Variants in PRDM16 observed in about 807,000 individuals in gnomAD.
PRDM16 encodes the protein PR/SET domain 16, also known as histone-lysine N-methyltransferase PRDM16.
In PRDM16, 23 loss-of-function variants were observed where a neutral mutation model predicts 110.6. The observed-to-expected ratio is 0.21, with a 90% CI of 0.15 to 0.29. PRDM16 has a LOEUF of 0.29. PRDM16 is among the 10% of genes least tolerant of loss of function. PRDM16 has a pLI of 1.00. For missense variants in PRDM16, 1,615 were observed against 1,794.3 expected (o/e 0.90, Z 1.81); for synonymous variants, 799 against 781.8 (o/e 1.02, Z -0.37).
At chr1:3,324,896 C>T (rs1363515959) in intron 3 of PRDM16, among the ~76,000 whole-genome samples, 2 of 152,132 alleles carry the variant, frequency 1.3e-5, no homozygotes, top group Non-Finnish European at 2.9e-5. Flanking sequence ...GGCCAGAGTC[C>T]CTGAGGGTCC....
At chr1:3,302,682 C>A (rs1225300581) in intron 3 of PRDM16, among the ~76,000 whole-genome samples, 1 of 152,196 alleles carries the variant, frequency 6.6e-6, no homozygotes, top group Admixed American at 6.5e-5. Context: ...GAACTGCAGA[C>A]AACACTTTAG....
chr1:3,216,977 T>C (rs1639043978), intron 2 of PRDM16, among the ~76,000 whole-genome samples: 1 of 152,244 alleles, frequency 6.6e-6, no homozygotes, highest in Non-Finnish European at 1.5e-5. Context: ...GCAGTTCCTC[T>C]GTGAATTAAC....
intron 1 of PRDM16, among the ~76,000 whole-genome samples, chr1:3,138,516 T>C (rs1643483967): frequency 6.6e-6 from 1 of 152,190 alleles, no homozygotes; most frequent in Admixed American, 6.5e-5. Context: ...CACGCCGGGG[T>C]GGCACCCTCA....
At chr1:3,416,906 A>C (rs1638280199) in intron 10 of PRDM16, among the ~76,000 whole-genome samples, 1 of 152,246 alleles carries the variant, frequency 6.6e-6, no homozygotes, top group South Asian at 2.1e-4. Context: ...CACAGCAGAT[A>C]TCACAGGGTG....
At position 3,244,952 on chromosome 1, in the gene PRDM16, G is replaced by A. The variant is rs549947549; in HGVS notation, c.438+815G>A. 6.6e-6 allele frequency among the ~76,000 whole-genome samples: 1 copy of A among 152,164 alleles called. No homozygotes were observed. Among genetic ancestry groups the A allele is most frequent in the Admixed American group, 6.5e-5 (1 of 15,280 alleles). On this transcript the variant is annotated intron_variant, in intron 3 of 16. Transcript: ENST00000270722. The surrounding 1 kb of genome is among the most constrained non-coding windows in gnomAD (Gnocchi z 4.1). ...GGCTGATCTCCTATTTTTTGGGGGG[G>A]GGTTTCTAGTAAAATTAAAGTAACA...
chr1:3,069,525 C>T lies in PRDM16; in HGVS notation c.37+229C>T, dbSNP rs906430213. ...CGCGCGCTCCCCGAAGGCGCCGGCC[C>T]CCTCCCCGCGGAACCCCCTCCCCCC... is the stretch of plus-strand genomic sequence containing the variant. On this transcript the variant is annotated intron_variant, in intron 1 of 16. Transcript: ENST00000270722. This position sits in a 1 kb window ranked among gnomAD's most constrained non-coding sequence, Gnocchi z 6.1. 6.7e-6 allele frequency among the ~76,000 whole-genome samples: 1 copy of T among 148,420 alleles called. No individual in the cohort carries two copies. Among genetic ancestry groups the T allele is most frequent in the Admixed American group, 6.6e-5 (1 of 15,046 alleles).
intron 4 of PRDM16, among the ~76,000 whole-genome samples, chr1:3,392,697 G>C (rs1452057271): frequency 6.6e-6 from 1 of 152,228 alleles, no homozygotes; most frequent in Non-Finnish European, 1.5e-5. Context: ...AAATGTAAAT[G>C]ATTTCTGTGT....
intron 3 of PRDM16, among the ~76,000 whole-genome samples, chr1:3,252,205 G>A (rs910298905): frequency 6.6e-6 from 1 of 152,208 alleles, no homozygotes; most frequent in African/African-American, 2.4e-5. Context: ...CCAATGGCCT[G>A]AGCATACCTC....
At chr1:3,292,076 C>T (rs1286197412) in intron 3 of PRDM16, among the ~76,000 whole-genome samples, 1 of 151,828 alleles carries the variant, frequency 6.6e-6, no homozygotes, top group Non-Finnish European at 1.5e-5. Context: ...GCAAGGCTGG[C>T]GGAGAGGGCA....
chr1:3,268,192 A>C lies in PRDM16; in HGVS notation c.438+24055A>C, dbSNP rs191534650. On this transcript the variant is annotated intron_variant, in intron 3 of 16. Transcript: ENST00000270722. ...GGCCCGACGCTCCTGCTGCGGTTGC[A>C]GTCGCCCCCGGCTCGGCGCGCGTCA... Among the ~76,000 whole-genome samples, 21 of 152,326 alleles carry C rather than the reference A, an allele frequency of 1.4e-4. No individual in the cohort carries two copies. The East Asian group carries it at 3.5e-3, about 25-fold the overall frequency.
chr1:3,354,463 A>G (rs1244894180), intron 3 of PRDM16, among the ~76,000 whole-genome samples: 1 of 142,338 alleles, frequency 7.0e-6, no homozygotes, highest in East Asian at 1.9e-4. Flanking sequence ...CTGCCTCAAA[A>G]AAAAAAAAAA....
intron 1 of PRDM16, among the ~76,000 whole-genome samples, chr1:3,181,500 G>GGTCTTACACACGCA (rs1477994256): frequency 2.9e-5 from 1 of 34,124 alleles, no homozygotes; most frequent in African/African-American, 7.1e-5. Flanking sequence ...CCTTACGCAT[G>GGTCTTACACACGCA]GTCTTACACA....
At chr1:3,345,704 C>T (rs1367848272) in intron 3 of PRDM16, among the ~76,000 whole-genome samples, 4 of 151,626 alleles carry the variant, frequency 2.6e-5, no homozygotes, top group African/African-American at 9.7e-5. Context: ...CGGGTCCTCC[C>T]ATGCTGCCCT....
chr1:3,316,148 TG>T (rs1049621258), intron 3 of PRDM16, among the ~76,000 whole-genome samples: 7 of 9,236 alleles, frequency 7.6e-4, no homozygotes, highest in African/African-American at 3.2e-3. Context: ...TGAGGGCGGG[TG>T]GGGGCGGGAG....
intron 12 of PRDM16, among the ~76,000 whole-genome samples, chr1:3,419,269 G>A (rs1178433615): frequency 6.6e-6 from 1 of 152,194 alleles, no homozygotes; most frequent in Non-Finnish European, 1.5e-5. Context: ...CGGGGTCCCG[G>A]GGACAGCCTG....
At chr1:3,261,134 A>C (rs966008422) in intron 3 of PRDM16, among the ~76,000 whole-genome samples, 8 of 151,010 alleles carry the variant, frequency 5.3e-5, no homozygotes, top group Admixed American at 4.0e-4. Flanking sequence ...CAAGAAAAAA[A>C]AAAAAAAACA....
At chr1:3,365,908 A>T (rs1423874022) in intron 3 of PRDM16, among the ~76,000 whole-genome samples, 2 of 150,950 alleles carry the variant, frequency 1.3e-5, no homozygotes, top group Non-Finnish European at 2.9e-5. Flanking sequence ...GTGCACACAC[A>T]TGCACACATA....
intron 12 of PRDM16, among the ~76,000 whole-genome samples, chr1:3,422,793 C>T (rs372852426): frequency 7.9e-5 from 12 of 152,358 alleles, no homozygotes; most frequent in East Asian, 1.9e-4. Context: ...ACTGCAGCGC[C>T]GCCCAGGGCA....
intron 3 of PRDM16, among the ~76,000 whole-genome samples, chr1:3,269,379 A>AGAGGAGGACAGTCCCG (rs1252885605): frequency 6.7e-6 from 1 of 149,524 alleles, no homozygotes; most frequent in Non-Finnish European, 1.5e-5. Context: ...GGACAGTCCC[A>AGAGGAGGACAGTCCCG]GAGGAGGACA....
Sources: gnomAD v4.1 joint callset for allele counts (sites outside exome capture counted in the v4.1 genomes callset) on GRCh38, gnomAD v4.1.1 for gene constraint, Gnocchi (gnomAD v3.1) non-coding constraint, MANE v1.5 for transcripts, NCBI Gene and HGNC (gene_info 2026-07-23, HGNC 2026-07-21) for gene names.